TENM1: variants seen among roughly 807,000 people sequenced by gnomAD.
The protein encoded by TENM1 is teneurin transmembrane protein 1.
In TENM1, 35 loss-of-function variants were observed where a neutral mutation model predicts 174.8. That is an observed-to-expected ratio of 0.20 (90% CI 0.15 to 0.27). TENM1 has a LOEUF of 0.27. TENM1 is among the 10% of genes least tolerant of loss of function. TENM1 has a pLI of 1.00. For missense variants in TENM1, 1,633 were observed against 2,130.1 expected, an observed-to-expected ratio of 0.77 and a Z score of 4.59; for synonymous variants, 781 against 798.7, an observed-to-expected ratio of 0.98 and a Z score of 0.37.
intron 5 of TENM1, among the ~76,000 whole-genome samples, chrX:124,677,078 A>C (rs1218781635): frequency 9.0e-6 from 1 of 111,027 alleles, no homozygotes; most frequent in Non-Finnish European, 1.9e-5. Flanking sequence ...TTACACATTG[A>C]AATGATAATA....
the TENM1 span, among the ~76,000 whole-genome samples, chrX:124,970,749 C>CT: frequency 9.0e-6 from 1 of 111,286 alleles, no homozygotes; most frequent in Admixed American, 9.5e-5. Flanking sequence ...GGATCTAGCA[C>CT]TAGAAATACC....
chrX:125,110,191 G>T, the TENM1 span, among the ~76,000 whole-genome samples: 1 of 111,430 alleles, frequency 9.0e-6, no homozygotes, highest in South Asian at 3.8e-4. Flanking sequence ...ACTCTGAATT[G>T]AGAAAGCAAA....
chrX:124,904,440 T>C (rs1380937254), intron 1 of TENM1, among the ~76,000 whole-genome samples: 1 of 112,148 alleles, frequency 8.9e-6, no homozygotes, highest in South Asian at 3.7e-4. Context: ...GGAACCACTC[T>C]TGAAAGGGTT....
intron 1 of TENM1, among the ~76,000 whole-genome samples, chrX:124,921,211 A>G (rs2147678538): frequency 9.1e-6 from 1 of 109,659 alleles, no homozygotes; most frequent in African/African-American, 3.3e-5. Context: ...CCAAATTCTC[A>G]TTATTACAAT....
chrX:124,408,061 G>A (rs1016558134), intron 25 of TENM1, among the ~76,000 whole-genome samples: 4 of 111,621 alleles, frequency 3.6e-5, no homozygotes, highest in Admixed American at 9.5e-5. Flanking sequence ...AGGAAGGCTC[G>A]AATACCCACT....
the TENM1 span, among the ~76,000 whole-genome samples, chrX:125,202,082 C>T: frequency 2.7e-5 from 3 of 111,572 alleles, no homozygotes; most frequent in Non-Finnish European, 5.6e-5. Context: ...TTAGACTCTT[C>T]CCTTTCTTGG....
chrX:124,586,276 C>G (rs2049509830), intron 11 of TENM1, among the ~76,000 whole-genome samples: 1 of 110,269 alleles, frequency 9.1e-6, no homozygotes, highest in Non-Finnish European at 1.9e-5. Context: ...AATATTGATG[C>G]AAAAATCCTC....
the TENM1 span, among the ~76,000 whole-genome samples, chrX:125,094,150 C>T: frequency 8.9e-6 from 1 of 112,127 alleles, no homozygotes; most frequent in African/African-American, 3.2e-5. Context: ...TACCAGCGTC[C>T]CTGAGGCCCT....
chrX:124,377,073 C>A (rs767138093), exon 32 of TENM1: 1 of 109,906 alleles, frequency 9.1e-6, no homozygotes, highest in Non-Finnish European at 1.9e-5. Context: ...AAAAACTTTG[C>A]CCTGACTCTC....
chrX:124,813,627 G>T (rs73215150), intron 3 of TENM1, among the ~76,000 whole-genome samples: 1 of 111,588 alleles, frequency 9.0e-6, no homozygotes, highest in Non-Finnish European at 1.9e-5. Flanking sequence ...GTGACAAAAT[G>T]CAAGATGTTG....
chrX:124,955,930 G>C (rs1486761104), intron 1 of TENM1, among the ~76,000 whole-genome samples: 1 of 111,055 alleles, frequency 9.0e-6, no homozygotes, highest in Non-Finnish European at 1.9e-5. Context: ...TCCGATGCTA[G>C]TTCTATCACT....
chrX:125,072,508 A>G, the TENM1 span, among the ~76,000 whole-genome samples: 4 of 111,451 alleles, frequency 3.6e-5, no homozygotes, highest in Non-Finnish European at 7.6e-5. Context: ...ATTTTTTAAA[A>G]AACTGCAATT....
the TENM1 span, among the ~76,000 whole-genome samples, chrX:124,978,361 CT>C: frequency 9.0e-6 from 1 of 111,618 alleles, no homozygotes; most frequent in South Asian, 3.7e-4. Context: ...TTTATATTGA[CT>C]TTTTTGTGGT....
intron 23 of TENM1, among the ~76,000 whole-genome samples, chrX:124,446,181 T>C (rs1208742262): frequency 8.9e-6 from 1 of 112,429 alleles, no homozygotes; most frequent in African/African-American, 3.2e-5. Context: ...CTCAGCTAAA[T>C]ACAATGCTAT....
chrX:124,942,008 A>G (rs1324398397), intron 1 of TENM1, among the ~76,000 whole-genome samples: 1 of 111,516 alleles, frequency 9.0e-6, no homozygotes, highest in African/African-American at 3.3e-5. Flanking sequence ...ATAGTACGGG[A>G]GAAACTGCCC....
chrX:125,104,161 G>A, the TENM1 span, among the ~76,000 whole-genome samples: 1 of 111,749 alleles, frequency 8.9e-6, no homozygotes, highest in Non-Finnish European at 1.9e-5. Flanking sequence ...TCTTTAATCT[G>A]CCAGCTTTGT....
chrX:124,938,581 T>C (rs2058279221), intron 1 of TENM1, among the ~76,000 whole-genome samples: 1 of 112,223 alleles, frequency 8.9e-6, no homozygotes, highest in Admixed American at 9.5e-5. Context: ...GTTTAATAAA[T>C]CTGAATTGGC....
chrX:125,039,429 T>G, the TENM1 span, among the ~76,000 whole-genome samples: 1 of 111,073 alleles, frequency 9.0e-6, no homozygotes, highest in Non-Finnish European at 1.9e-5. Flanking sequence ...GTCAAATGCT[T>G]CCCTAATCTC....
At chrX:125,003,311 T>C in the TENM1 span, among the ~76,000 whole-genome samples, 1 of 111,844 alleles carries the variant, frequency 8.9e-6, no homozygotes, top group Non-Finnish European at 1.9e-5. Context: ...CCTCTTCATT[T>C]AAAAATGTAA....
Sources: gnomAD v4.1 joint callset for allele counts (sites outside exome capture counted in the v4.1 genomes callset) on GRCh38, gnomAD v4.1.1 for gene constraint, MANE v1.5 for transcripts, NCBI Gene and HGNC (gene_info 2026-07-23, HGNC 2026-07-21) for gene names.